The following FGF13 variants were observed in gnomAD, a reference collection of about 807,000 sequenced individuals.
The protein encoded by FGF13 is fibroblast growth factor homologous factor 2.
Under a neutral mutation model 19.5 loss-of-function variants are expected in FGF13, and 2 were observed. That is an observed-to-expected ratio of 0.10 (90% CI 0.04 to 0.32). The LOEUF (loss-of-function observed/expected upper bound fraction) is 0.32, where lower values mean the gene tolerates loss of function less well. FGF13 is among the 10% of genes least tolerant of loss of function. The probability of loss-of-function intolerance (pLI) is 1.00; values close to 1 mark genes in which losing one functional copy is unlikely to be tolerated. For synonymous variants in FGF13, 72 were observed against 76.9 expected (o/e 0.94, Z 0.33); for missense variants, 113 against 192.7 (o/e 0.59, Z 2.45).
chrX:138,704,369 T>C (rs2089975416), intron 2 of FGF13, among the ~76,000 whole-genome samples: 1 of 112,005 alleles, frequency 8.9e-6, no homozygotes, highest in Non-Finnish European at 1.9e-5. Context: ...TTTTAAAACG[T>C]AGTGCTTGCC....
chrX:138,786,734 C>G lies in FGF13; in HGVS notation c.217+70778G>C, dbSNP rs1227096952. On this transcript the variant is annotated intron_variant, in intron 3 of 6. Transcript: ENST00000436198. Reference sequence around the variant, plus strand: ...TTTTTGGCCTCTCGACTTCAGGTCCCATGTAGATCTGCTAATAACTAGTGT... The same window carrying G: ...TTTTTGGCCTCTCGACTTCAGGTCCGATGTAGATCTGCTAATAACTAGTGT... Among the ~76,000 whole-genome samples the G allele has an allele frequency of 2.7e-5, 3 of 112,010 alleles. No individual in the cohort carries two copies. The Admixed American group carries it at 2.8e-4, about 11-fold the overall frequency.
chrX:138,888,785 C>T (rs1242444538), intron 1 of FGF13, among the ~76,000 whole-genome samples: 1 of 111,479 alleles, frequency 9.0e-6, no homozygotes, highest in Non-Finnish European at 1.9e-5. Flanking sequence ...TCTCTACAAC[C>T]TTCCTGCAAT....
intron 3 of FGF13, among the ~76,000 whole-genome samples, chrX:138,673,124 G>T (rs2089630541): frequency 9.0e-6 from 1 of 111,277 alleles, no homozygotes; most frequent in Admixed American, 9.6e-5. Context: ...AGATGAAGTG[G>T]ACACAATGAT....
chrX:139,054,861 AGTGTT>A (rs57605613), intron 1 of FGF13, among the ~76,000 whole-genome samples: 155 of 81,953 alleles, frequency 1.9e-3, no homozygotes, highest in African/African-American at 7.1e-3. Flanking sequence ...TATATTCCTA[AGTGTT>A]GTGTTGTGTT....
chrX:139,036,836 CATCAGATCTCATGAGACT>C, intron 1 of FGF13, among the ~76,000 whole-genome samples: 1 of 110,792 alleles, frequency 9.0e-6, no homozygotes, highest in East Asian at 2.9e-4. Context: ...TTTTTAAAAC[CATCAGATCTCATGAGACT>C]TATTAGCTAT....
At chrX:139,014,902 G>A (rs1038288632) in intron 1 of FGF13, among the ~76,000 whole-genome samples, 7 of 111,324 alleles carry the variant, frequency 6.3e-5, no homozygotes, top group African/African-American at 1.9e-4. Flanking sequence ...GGCATGCAAG[G>A]ATGGTTGAAC....
At chrX:138,859,992 G>T (rs1403502280) in intron 2 of FGF13, among the ~76,000 whole-genome samples, 1 of 110,482 alleles carries the variant, frequency 9.1e-6, no homozygotes, top group Non-Finnish European at 1.9e-5. Flanking sequence ...TCAGCTTTGG[G>T]TCTCAGGCTG....
At chrX:138,876,122 T>C (rs1348544026) in intron 1 of FGF13, among the ~76,000 whole-genome samples, 2 of 111,388 alleles carry the variant, frequency 1.8e-5, no homozygotes, top group African/African-American at 3.3e-5. Flanking sequence ...ACTTGCCCAT[T>C]TCTTTTACCA....
chrX:139,174,333 T>A (rs1048887474), intron 1 of FGF13, among the ~76,000 whole-genome samples: 1 of 112,386 alleles, frequency 8.9e-6, no homozygotes, highest in Non-Finnish European at 1.9e-5. Flanking sequence ...ATGCAAAAAT[T>A]TTCTCCCATT....
At position 138,618,982 on chromosome X, in the gene FGF13, T is replaced by C. The variant is rs2088991826; in HGVS notation, c.*13868A>G. On this transcript the variant is annotated 3_prime_UTR_variant, in exon 5 of 5. Transcript: ENST00000315930. ...ATAGGCTGAAGGAGGAGACTACTTC[T>C]TCAAATGTGAACATGGCAACACGAG... The C allele has an allele frequency of 9.0e-6, 1 of 110,690 alleles. No homozygotes were observed. Among genetic ancestry groups the C allele is most frequent in the South Asian group, 3.9e-4 (1 of 2,543 alleles). 9.1% of individuals were successfully genotyped at this position (110,690 alleles called of 1,213,427 possible).
chrX:139,035,252 T>C (rs981205381), intron 1 of FGF13, among the ~76,000 whole-genome samples: 4 of 111,477 alleles, frequency 3.6e-5, no homozygotes, highest in Non-Finnish European at 5.7e-5. Context: ...ACTGTATAAC[T>C]GTTCAAAAAT....
intron 3 of FGF13, among the ~76,000 whole-genome samples, chrX:138,655,268 A>G (rs781563636): frequency 2.7e-5 from 3 of 111,824 alleles, no homozygotes; most frequent in Non-Finnish European, 5.6e-5. Flanking sequence ...TTTTAATTCA[A>G]TGTCTGTTCA....
intron 1 of FGF13, among the ~76,000 whole-genome samples, chrX:139,131,172 G>T (rs1473416673): frequency 4.5e-5 from 5 of 111,323 alleles, no homozygotes; most frequent in African/African-American, 1.3e-4. Context: ...GTTTATGAGA[G>T]AATTTTTTTA....
chrX:138,815,298 T>C (rs2090954170), intron 3 of FGF13, among the ~76,000 whole-genome samples: 1 of 111,013 alleles, frequency 9.0e-6, no homozygotes, highest in South Asian at 3.8e-4. Flanking sequence ...CTACATTGTA[T>C]ACTTAAAAAG....
chrX:138,984,431 AAAG>A (rs1228532196), intron 1 of FGF13, among the ~76,000 whole-genome samples: 2 of 102,093 alleles, frequency 2.0e-5, no homozygotes, highest in Admixed American at 2.3e-4. Flanking sequence ...GAAGAAGAAG[AAAG>A]AAGAAGAATA....
intron 1 of FGF13, among the ~76,000 whole-genome samples, chrX:138,892,188 G>A (rs901899249): frequency 1.5e-4 from 17 of 111,228 alleles, no homozygotes; most frequent in African/African-American, 5.6e-4. Flanking sequence ...TAGTTATACA[G>A]TGCTGAATTC....
At chrX:139,015,871 G>A (rs992524185) in intron 1 of FGF13, among the ~76,000 whole-genome samples, 1 of 111,469 alleles carries the variant, frequency 9.0e-6, no homozygotes, top group Non-Finnish European at 1.9e-5. Context: ...ACATAAATCA[G>A]CAGAACAGAA....
chrX:138,837,093 T>C (rs757107974), intron 3 of FGF13, among the ~76,000 whole-genome samples: 1 of 111,711 alleles, frequency 9.0e-6, no homozygotes, highest in African/African-American at 3.3e-5. Flanking sequence ...CCTAAACACA[T>C]GTATAGGAGG....
intron 3 of FGF13, among the ~76,000 whole-genome samples, chrX:138,793,873 C>A (rs1233685160): frequency 1.8e-5 from 2 of 111,913 alleles, no homozygotes; most frequent in East Asian, 5.6e-4. Context: ...GGATTAAATT[C>A]AATATTGCAA....
Sources: allele counts gnomAD v4.1 joint callset (sites outside exome capture counted in the v4.1 genomes callset), GRCh38; gene constraint gnomAD v4.1.1; transcripts MANE v1.5; gene names NCBI Gene and HGNC (gene_info 2026-07-23, HGNC 2026-07-21).